Variants in RBM4B observed in about 807,000 individuals in gnomAD.
RBM4B encodes RNA-binding protein 4B.
Under a neutral mutation model 28.5 loss-of-function variants are expected in RBM4B, and 13 were observed. The ratio of observed to expected loss-of-function variants is 0.46; its 90% CI spans 0.30 to 0.72. The LOEUF (loss-of-function observed/expected upper bound fraction) is 0.72. Among genes scored for constraint, RBM4B ranks in the 30% least tolerant of loss-of-function variants. RBM4B has a pLI of 0.09. For synonymous variants in RBM4B, 167 were observed against 179.1 expected (o/e 0.93, Z 0.54); for missense variants, 387 against 477.6 (o/e 0.81, Z 1.77).
At chr11:66,675,946 A>T (rs185754205) in intron 2 of RBM4B, 5 of 152,342 alleles carry the variant, frequency 3.3e-5, no homozygotes, top group African/African-American at 7.2e-5. Flanking sequence ...TAATGACAAC[A>T]TATGTACCTT....
chr11:66,671,802 G>A (rs1429481255), intron 2 of RBM4B, among the ~76,000 whole-genome samples: 2 of 152,072 alleles, frequency 1.3e-5, no homozygotes. Context: ...GTGCAGTGGC[G>A]AAATCTCGGC....
rs747314182 is a variant in RBM4B at position 66,676,643 on chromosome 11, A to C, written c.412+25T>G. 5 of 1,611,284 alleles carry C rather than the reference A, an allele frequency of 3.1e-6. No individual in the cohort carries two copies. The African/African-American group carries it at 5.3e-5, about 17-fold the overall frequency. ...TTTGAGCTAGACCCCACTCGGCGCT[A>C]CTACCCAGGCCCAGAGCAGTTCACC... On this transcript the variant is annotated intron_variant, in intron 2 of 3. Coordinates refer to ENST00000310046, the MANE Select transcript of RBM4B (RefSeq NM_031492.4).
At chr11:66,674,274 A>G (rs1212510870) in intron 2 of RBM4B, among the ~76,000 whole-genome samples, 1 of 137,648 alleles carries the variant, frequency 7.3e-6, no homozygotes, top group Non-Finnish European at 1.5e-5. Flanking sequence ...CCCAGGCTGG[A>G]GTACAGTGGC....
intron 3 of RBM4B, chr11:66,666,558 A>G (rs1939235892): frequency 2.4e-6 from 1 of 417,716 alleles, no homozygotes. Context: ...CACTGCTTGC[A>G]GTCAAAATTC....
chr11:66,676,268 A>T (rs1939632816), intron 2 of RBM4B: 2 of 285,488 alleles, frequency 7.0e-6, no homozygotes, highest in Non-Finnish European at 1.3e-5. Context: ...AAAGAATATA[A>T]ATCTTAAGCA....
intron 2 of RBM4B, among the ~76,000 whole-genome samples, chr11:66,671,476 G>C (rs1283265329): frequency 6.6e-6 from 1 of 152,134 alleles, no homozygotes; most frequent in Non-Finnish European, 1.5e-5. Flanking sequence ...AAGTCAGAGT[G>C]ACCATGACAG....
At chr11:66,665,739 AG>A (rs1939205574) in intron 3 of RBM4B, 161 bp from the exon 4 acceptor site, 1 of 1,328,174 alleles carries the variant, frequency 7.5e-7, no homozygotes, top group Non-Finnish European at 1.0e-6. Context: ...GTAATTACCT[AG>A]GAGTCTATCA....
chr11:66,669,891 TG>T, intron 2 of RBM4B, among the ~76,000 whole-genome samples: 1 of 152,372 alleles, frequency 6.6e-6, no homozygotes, highest in East Asian at 1.9e-4. Flanking sequence ...ACACAACAAT[TG>T]GAAAAGTTTC....
At position 66,669,045 on chromosome 11, in the gene RBM4B, T is replaced by C; in HGVS notation, c.659A>G (p.Tyr220Cys). 6.2e-7 allele frequency: 1 copy of C among 1,614,222 alleles called. No homozygotes were observed. The highest frequency in any genetic ancestry group is 1.1e-5 in the South Asian group (1 of 91,088). The change falls in exon 3 of 4, where the codon TAC becomes TGC. Residue 220 changes from tyrosine (Y) to cysteine (C), a missense_variant. Tyr to Cys is a radical substitution (Grantham distance 194). This residue lies in a region of RBM4B where 226 missense variants were observed against 220.6 expected (regional missense o/e 1.02). Coordinates refer to ENST00000310046, the MANE Select transcript of RBM4B (RefSeq NM_031492.4). ...YYNDAYGALD[Y>C]YKRYRVRSYE... The stretch of plus-strand genomic sequence containing the variant: ...AGAGCGGACCCGGTATCGCTTATAG[T>C]AGTCGAGTGCTCCATATGCATCGTT...
chr11:66,670,288 G>A (rs539624798), intron 2 of RBM4B, among the ~76,000 whole-genome samples: 3 of 133,168 alleles, frequency 2.3e-5, no homozygotes, highest in African/African-American at 8.7e-5. Context: ...CTCTCAACAA[G>A]AAGAATTAGA....
intron 3 of RBM4B, chr11:66,668,006 C>T (rs1939310088): frequency 6.6e-6 from 1 of 152,632 alleles, no homozygotes; most frequent in South Asian, 2.1e-4. Context: ...CCTCTGCCTT[C>T]AGGTAGCAAT....
intron 2 of RBM4B, among the ~76,000 whole-genome samples, chr11:66,674,810 T>C (rs1309870459): frequency 5.9e-5 from 9 of 152,208 alleles, no homozygotes; most frequent in African/African-American, 2.2e-4. Context: ...CCTCAGGTGA[T>C]CCACCCGCCT....
rs527343227 is a variant in RBM4B, at chr11:66,665,835, T to C, written c.*10-257A>G. ...GAAGAATGTGTTGGTGATAAATACA[T>C]CTTTCTTATCCATCTTTTAGGCAAG... On this transcript the variant is annotated intron_variant, in intron 3 of 3. Transcript: ENST00000310046. The C allele has an allele frequency of 2.0e-5, 30 of 1,511,662 alleles. No homozygotes were observed. In the African/African-American group the frequency reaches 4.0e-4, roughly 20 times the overall value. The allele number at this position is 1,511,662 out of a possible 1,614,324, so 93.6% of individuals were successfully genotyped here.
chr11:66,666,252 G>A (rs1939228159), intron 3 of RBM4B: 4 of 1,023,464 alleles, frequency 3.9e-6, no homozygotes, highest in Non-Finnish European at 4.9e-6. Context: ...ATGGCTGGGG[G>A]AAAAAAAAAG....
chr11:66,668,362 G>T, intron 3 of RBM4B: 1 of 441,872 alleles, frequency 2.3e-6, no homozygotes. Context: ...ACTGATTAAA[G>T]AATGTTCTCA....
Position 66,668,595 on chromosome 11 carries a change from C to T in RBM4B, c.*9+20G>A, listed in dbSNP as rs376202667. 2 of 1,563,208 alleles carry T rather than the reference C, an allele frequency of 1.3e-6. No homozygotes were observed. Among genetic ancestry groups the T allele is most frequent in the Non-Finnish European group, 1.7e-6 (2 of 1,145,728 alleles). On this transcript the variant is annotated intron_variant, in intron 3 of 3. Transcript: ENST00000310046. Reference sequence around the variant, plus strand: ...AGGGAACTAAATGGAATCTTTTAACCATTCCCACCCATCTCTCACCTCCAG... The same window carrying T: ...AGGGAACTAAATGGAATCTTTTAACTATTCCCACCCATCTCTCACCTCCAG...
intron 2 of RBM4B, among the ~76,000 whole-genome samples, chr11:66,673,405 A>G (rs979751351): frequency 6.6e-6 from 1 of 152,230 alleles, no homozygotes; most frequent in African/African-American, 2.4e-5. Context: ...AAAAGCCTCA[A>G]TGGCAGCCAT....
At chr11:66,673,245 T>C (rs1408855923) in intron 2 of RBM4B, among the ~76,000 whole-genome samples, 1 of 152,018 alleles carries the variant, frequency 6.6e-6, no homozygotes, top group Non-Finnish European at 1.5e-5. Context: ...CTGATTGTTA[T>C]TTGGGAATAG....
chr11:66,677,221 C>T (rs1173038019), intron 1 of RBM4B, 130 bp from the exon 2 acceptor site: 1 of 1,186,676 alleles, frequency 8.4e-7, no homozygotes, highest in East Asian at 2.5e-5. Context: ...CATTATTCTT[C>T]CTCAATAGAA....
Sources: gnomAD v4.1 joint callset for allele counts (sites outside exome capture counted in the v4.1 genomes callset) on GRCh38, gnomAD v4.1.1 for gene constraint, gnomAD v4.1.1 regional missense constraint, MANE v1.5 for transcripts, NCBI Gene and HGNC (gene_info 2026-07-23, HGNC 2026-07-21) for gene names.